RPL7: variants seen among roughly 807,000 people sequenced by gnomAD.
RPL7 encodes the protein large ribosomal subunit protein uL30.
For synonymous variants in RPL7, 100 were observed against 102.2 expected, an observed-to-expected ratio of 0.98 and a Z score of 0.13; for missense variants, 205 against 301.9, an observed-to-expected ratio of 0.68 and a Z score of 2.38.
At chr8:73,292,462 C>T (rs1814125582) in intron 2 of RPL7, 57 bp from the exon 3 acceptor site, 2 of 1,459,134 alleles carry the variant, frequency 1.4e-6, no homozygotes, top group South Asian at 1.2e-5. Context: ...TTAGCAATGC[C>T]AATCATTAAA....
chr8:73,293,955 G>T (rs969379137), upstream of RPL7: 9 of 265,542 alleles, frequency 3.4e-5, no homozygotes, highest in Non-Finnish European at 6.8e-5. Flanking sequence ...AGCCTCATGG[G>T]GACGAACTAC....
intron 2 of RPL7, 39 bp downstream of exon 2, chr8:73,292,650 C>T (rs757902195): frequency 6.3e-6 from 9 of 1,428,440 alleles, no homozygotes; most frequent in Admixed American, 5.5e-5. Flanking sequence ...CCCAATAAGG[C>T]GCCTCCTTAT....
At chr8:73,290,880 T>C in intron 6 of RPL7, 163 bp downstream of exon 6, 1 of 624,466 alleles carries the variant, frequency 1.6e-6, no homozygotes, top group South Asian at 2.1e-5. Flanking sequence ...TCAAAAGCAG[T>C]AAACAAACCA....
In RPL7 at chr8:73,293,580, A is replaced by T; in HGVS notation, c.14+19T>A. The T allele has an allele frequency of 9.9e-6, 16 of 1,613,772 alleles. No homozygotes were observed. Among genetic ancestry groups the T allele is most frequent in the Non-Finnish European group, 1.4e-5 (16 of 1,179,854 alleles). Reference sequence around the variant, plus strand: ...CTGGAGATGGAGAAGGATTCTCAAGAGGACCAGAAGCAACTCACTCTACAC... The same window carrying T: ...CTGGAGATGGAGAAGGATTCTCAAGTGGACCAGAAGCAACTCACTCTACAC... On this transcript the variant is annotated intron_variant, in intron 1 of 6. Transcript: ENST00000352983.
Position 73,291,482 on chromosome 8 carries a change from T to C in RPL7, c.538+70A>G, listed in dbSNP as rs182301598. The C allele has an allele frequency of 8.8e-5, 101 of 1,144,216 alleles. No homozygotes were observed. The African/African-American group carries it at 1.3e-3, about 14-fold the overall frequency. 70.9% of individuals were successfully genotyped at this position (1,144,216 alleles called of 1,614,324 possible). ...CATGAAGATTCACAATAGTGAGAAA[T>C]GTACGGCCACAAGAGGGTAAGAAAT... On this transcript the variant is annotated intron_variant, in intron 5 of 6. Transcript: ENST00000352983.
At chr8:73,293,335 C>G in intron 1 of RPL7, 1 of 494,578 alleles carries the variant, frequency 2.0e-6, no homozygotes, top group Non-Finnish European at 3.7e-6. Flanking sequence ...GACCCTCTAC[C>G]GAGGACTGGG....
chr8:73,291,288 T>C (rs778755731), intron 5 of RPL7, 36 bp from the exon 6 acceptor site: 39 of 1,529,516 alleles, frequency 2.5e-5, no homozygotes, highest in Non-Finnish European at 3.4e-5. Context: ...TTATTAAAGT[T>C]GCAAAAAGTT....
chr8:73,293,519 C>G, intron 1 of RPL7, 80 bp downstream of exon 1: 1 of 1,561,088 alleles, frequency 6.4e-7, no homozygotes, highest in Admixed American at 1.7e-5. Flanking sequence ...AAGCTACGGC[C>G]AGAGAGAGAA....
At chr8:73,293,674 G>A (rs1814172275), upstream of RPL7, 9 of 1,603,138 alleles carry the variant, frequency 5.6e-6, 1 homozygote, top group South Asian at 8.9e-5. Context: ...GACTTCGCGA[G>A]AGAAGCCCCA....
intron 6 of RPL7, 98 bp downstream of exon 6, chr8:73,290,944 AT>A: frequency 1.1e-6 from 1 of 921,314 alleles, no homozygotes; most frequent in Middle Eastern, 3.4e-4. Flanking sequence ...ACTGATTAAA[AT>A]TCAAACCCCC....
intron 5 of RPL7, 116 bp downstream of exon 5, chr8:73,291,436 A>T (rs1563542984): frequency 7.7e-6 from 7 of 909,528 alleles, no homozygotes; most frequent in Non-Finnish European, 1.2e-5. Context: ...TTTTAAGCTA[A>T]ATCAAGAATC....
intron 1 of RPL7, 65 bp downstream of exon 1, chr8:73,293,534 T>C: frequency 6.3e-7 from 1 of 1,598,802 alleles, no homozygotes; most frequent in Non-Finnish European, 8.6e-7. Context: ...AGAGAAAAAG[T>C]GACACAAAAA....
In RPL7 at chr8:73,291,720, G is replaced by A. The variant is rs1042047903; in HGVS notation, c.428+53C>T. ...CACTGTTAAAACATCTAAAATTCAT[G>A]TTGCTACATAACCAATTTATCAAAT... is the stretch of plus-strand genomic sequence containing the variant. On this transcript the variant is annotated intron_variant, in intron 4 of 6. Transcript: ENST00000352983. 1.9e-5 allele frequency: 30 copies of A among 1,590,496 alleles called. 1 individual carries two copies. The highest frequency in any genetic ancestry group is 1.1e-4 in the African/African-American group (8 of 74,270).
upstream of RPL7, chr8:73,293,947 C>A: frequency 3.5e-6 from 1 of 282,076 alleles, no homozygotes; most frequent in Non-Finnish European, 7.0e-6. Flanking sequence ...CCAGGACGAG[C>A]CTCATGGGGA....
At chr8:73,292,144 T>G (rs1430045122) in intron 3 of RPL7, 95 bp downstream of exon 3, 1 of 1,274,556 alleles carries the variant, frequency 7.8e-7, no homozygotes, top group East Asian at 2.3e-5. Context: ...AAAATATTGT[T>G]ACTCCGGTGT....
rs1458654858 is a variant in RPL7, at chr8:73,291,664, G to C, written c.429-3C>G. On this transcript the variant is annotated splice_region_variant and splice_polypyrimidine_tract_variant and intron_variant, in intron 4 of 6. Coordinates refer to ENST00000352983, the MANE Select transcript of RPL7 (RefSeq NM_000971.4). The stretch of plus-strand genomic sequence containing the variant: ...TTACTGACTTCAGATTGGGGTACCT[G>C]AAGTGAAAAAGCAAACATAAATAAG... 7.5e-6 allele frequency: 12 copies of C among 1,591,548 alleles called. No homozygotes were observed. Among genetic ancestry groups the C allele is most frequent in the Non-Finnish European group, 9.5e-6 (11 of 1,162,050 alleles).
intron 1 of RPL7, 199 bp downstream of exon 1, chr8:73,293,400 G>A (rs1586182999): frequency 6.8e-6 from 4 of 591,958 alleles, no homozygotes; most frequent in Non-Finnish European, 9.0e-6. Flanking sequence ...CTCGTTCCCG[G>A]GATCTCCAAA....
intron 1 of RPL7, chr8:73,293,209 CA>C (rs1814150086): frequency 8.5e-6 from 2 of 235,182 alleles, no homozygotes; most frequent in Non-Finnish European, 1.6e-5. Flanking sequence ...AAGCCACCAC[CA>C]CTCTGGTTCA....
chr8:73,291,328 T>C (rs1485432694), intron 5 of RPL7, 76 bp from the exon 6 acceptor site: 1 of 1,213,768 alleles, frequency 8.2e-7, no homozygotes, highest in Admixed American at 2.2e-5. Context: ...TCTTTTTGAA[T>C]AGGCTGTGAG....
Sources: allele counts gnomAD v4.1 joint callset, GRCh38; gene constraint gnomAD v4.1.1; transcripts MANE v1.5; gene names NCBI Gene and HGNC (gene_info 2026-07-23, HGNC 2026-07-21).